Variants in UBE2E2 observed in about 807,000 individuals in gnomAD.
UBE2E2 encodes the protein ubiquitin-conjugating enzyme E2 E2.
In UBE2E2, 6 loss-of-function variants were observed where a neutral mutation model predicts 24.7. That is an observed-to-expected ratio of 0.24 (90% CI 0.13 to 0.48). The LOEUF (loss-of-function observed/expected upper bound fraction) is 0.48. Ranked by LOEUF, UBE2E2 falls within the 20% of genes least tolerant of loss-of-function variation. The pLI, the probability that UBE2E2 is intolerant of heterozygous loss-of-function variation, is 0.99. For synonymous variants in UBE2E2, 104 were observed against 83.6 expected (o/e 1.24, Z -1.33); for missense variants, 169 against 245.0 (o/e 0.69, Z 2.07).
intron 3 of UBE2E2, among the ~76,000 whole-genome samples, chr3:23,355,953 T>A (rs752284496): frequency 2.2e-4 from 34 of 152,360 alleles, no homozygotes; most frequent in Non-Finnish European, 2.1e-4. Flanking sequence ...TGCCATTTCT[T>A]GTTTTACACA....
At chr3:23,577,129 G>A (rs928363499) in intron 5 of UBE2E2, among the ~76,000 whole-genome samples, 1 of 151,932 alleles carries the variant, frequency 6.6e-6, no homozygotes, top group African/African-American at 2.4e-5. Flanking sequence ...GCCTCTAAGT[G>A]TTCAAGTGAA....
chr3:23,286,708 G>A (rs1485345893), intron 3 of UBE2E2, among the ~76,000 whole-genome samples: 2 of 152,096 alleles, frequency 1.3e-5, no homozygotes, highest in African/African-American at 4.8e-5. Context: ...TATTTTGATA[G>A]AGAATGCATT....
intron 3 of UBE2E2, among the ~76,000 whole-genome samples, chr3:23,461,046 G>T (rs1275106117): frequency 6.6e-6 from 1 of 152,186 alleles, no homozygotes; most frequent in Non-Finnish European, 1.5e-5. Context: ...GAGAACCCCA[G>T]TGTATAAGCA....
At chr3:23,441,538 CAA>C (rs147766521) in intron 3 of UBE2E2, among the ~76,000 whole-genome samples, 11 of 95,754 alleles carry the variant, frequency 1.1e-4, no homozygotes, top group Admixed American at 2.4e-4. Flanking sequence ...GACTCCGTCT[CAA>C]AAAAAAAAAA....
At chr3:23,422,092 G>A (rs1402378954) in intron 3 of UBE2E2, among the ~76,000 whole-genome samples, 2 of 152,100 alleles carry the variant, frequency 1.3e-5, no homozygotes, top group Non-Finnish European at 1.5e-5. Flanking sequence ...ATTGAATGAA[G>A]TAATTAATAA....
chr3:23,374,499 AATT>A (rs1696471311), intron 3 of UBE2E2, among the ~76,000 whole-genome samples: 1 of 152,212 alleles, frequency 6.6e-6, no homozygotes, highest in African/African-American at 2.4e-5. Flanking sequence ...TATAGACTCC[AATT>A]ATTATAGTTA....
intron 3 of UBE2E2, among the ~76,000 whole-genome samples, chr3:23,450,800 A>G (rs1441873485): frequency 6.6e-6 from 1 of 152,204 alleles, no homozygotes; most frequent in Non-Finnish European, 1.5e-5. Context: ...ATGAGAATAT[A>G]AAACACCTTA....
chr3:23,533,619 ATT>A (rs759984741), intron 5 of UBE2E2, among the ~76,000 whole-genome samples: 23 of 108,516 alleles, frequency 2.1e-4, no homozygotes, highest in African/African-American at 7.7e-4. Flanking sequence ...GCAAATTAGT[ATT>A]TTTTTTTTTT....
intron 3 of UBE2E2, among the ~76,000 whole-genome samples, chr3:23,362,681 A>G (rs2125332776): frequency 6.6e-6 from 1 of 152,254 alleles, no homozygotes; most frequent in African/African-American, 2.4e-5. Context: ...TTTCTGGCTC[A>G]GTAGTCCAGC....
At chr3:23,428,098 C>T (rs149067230) in intron 3 of UBE2E2, among the ~76,000 whole-genome samples, 1 of 152,192 alleles carries the variant, frequency 6.6e-6, no homozygotes, top group Non-Finnish European at 1.5e-5. Context: ...CTACATTATA[C>T]ACCACCACCA....
At chr3:23,235,269 T>TATTTATTTA (rs1697074491) in intron 3 of UBE2E2, among the ~76,000 whole-genome samples, 2 of 152,112 alleles carry the variant, frequency 1.3e-5, no homozygotes, top group African/African-American at 2.4e-5. Flanking sequence ...TAGTTTTATT[T>TATTTATTTA]TGGGTTGAGA....
At chr3:23,236,138 A>C (rs1697101579) in intron 3 of UBE2E2, among the ~76,000 whole-genome samples, 1 of 152,084 alleles carries the variant, frequency 6.6e-6, no homozygotes, top group Admixed American at 6.6e-5. Flanking sequence ...ACCAGGAGAG[A>C]GGTTTCCATG....
intron 3 of UBE2E2, among the ~76,000 whole-genome samples, chr3:23,249,812 C>T (rs974347255): frequency 3.3e-5 from 5 of 152,074 alleles, no homozygotes; most frequent in Non-Finnish European, 7.4e-5. Context: ...CCCGCCACCA[C>T]ACCTGGCTAA....
chr3:23,305,327 A>G (rs956207754), intron 3 of UBE2E2, among the ~76,000 whole-genome samples: 8 of 152,258 alleles, frequency 5.3e-5, no homozygotes, highest in African/African-American at 1.7e-4. Flanking sequence ...GTATTTAGGT[A>G]TGCAGTAGAA....
intron 3 of UBE2E2, among the ~76,000 whole-genome samples, chr3:23,259,223 A>G (rs1010573359): frequency 5.3e-5 from 8 of 152,006 alleles, no homozygotes; most frequent in Admixed American, 4.6e-4. Flanking sequence ...TTCCTTGTAT[A>G]TGTGTGTGTG....
intron 5 of UBE2E2, among the ~76,000 whole-genome samples, chr3:23,578,807 T>C (rs1696402656): frequency 6.6e-6 from 1 of 152,034 alleles, no homozygotes; most frequent in Non-Finnish European, 1.5e-5. Flanking sequence ...TCAGGAAGAA[T>C]AACTAATGGA....
In UBE2E2 at chr3:23,583,143, A is replaced by T. The variant is rs901364787; in HGVS notation, c.509-6591A>T. Among the ~76,000 whole-genome samples the T allele has an allele frequency of 6.6e-6, 1 of 152,174 alleles. No homozygotes were observed. The highest frequency in any genetic ancestry group is 1.5e-5 in the Non-Finnish European group (1 of 68,038). ...AAGGGGTCCAATTTCAATCTTCTGC[A>T]TATGGCTAGCCAGTTAGCCCAGCAC... On this transcript the variant is annotated intron_variant, in intron 5 of 5. Coordinates refer to ENST00000396703, the MANE Select transcript of UBE2E2 (RefSeq NM_152653.4). The surrounding 1 kb of genome is among the most constrained non-coding windows in gnomAD (Gnocchi z 4.1).
intron 3 of UBE2E2, among the ~76,000 whole-genome samples, chr3:23,488,761 CCA>C (rs1272288637): frequency 6.6e-6 from 1 of 152,118 alleles, no homozygotes; most frequent in Non-Finnish European, 1.5e-5. Flanking sequence ...CATTAAAACT[CCA>C]CAGTTTCCCT....
chr3:23,573,988 G>C (rs1475284685), intron 5 of UBE2E2, among the ~76,000 whole-genome samples: 1 of 151,962 alleles, frequency 6.6e-6, no homozygotes, highest in Non-Finnish European at 1.5e-5. Context: ...AAAACACTTT[G>C]ACTGAATAAA....
Sources: gnomAD v4.1 joint callset for allele counts (sites outside exome capture counted in the v4.1 genomes callset) on GRCh38, gnomAD v4.1.1 for gene constraint, Gnocchi (gnomAD v3.1) non-coding constraint, MANE v1.5 for transcripts, NCBI Gene and HGNC (gene_info 2026-07-23, HGNC 2026-07-21) for gene names.